The following PKM variants were observed in gnomAD, a reference collection of about 807,000 sequenced individuals.
The protein encoded by PKM is pyruvate kinase M1/2.
A neutral mutation model predicts 49.8 loss-of-function variants in PKM; 18 were observed. That is an observed-to-expected ratio of 0.36 (90% CI 0.25 to 0.54). PKM has a LOEUF of 0.54. Among genes scored for constraint, PKM ranks in the 20% least tolerant of loss-of-function variants. The pLI is 0.89. For missense variants in PKM, 508 were observed against 713.8 expected (o/e 0.71, Z 3.28); for synonymous variants, 239 against 261.8 (o/e 0.91, Z 0.84).
In PKM at chr15:72,202,711, CGGACAGCT is replaced by C. The variant is rs1275243484; in HGVS notation, c.1141-99_1141-92del. ...AAAGGAGAGGGAGGGGAAGAGTCACCGGACAGCTGGTGAGGAACATGTTCCTGGGAACA... is the reference window on the plus strand; with the variant it reads ...AAAGGAGAGGGAGGGGAAGAGTCACCGGTGAGGAACATGTTCCTGGGAACA... On this transcript the variant is annotated intron_variant, in intron 8 of 10. Transcript: ENST00000335181. This position sits in a 1 kb window ranked among gnomAD's most constrained non-coding sequence, Gnocchi z 4.5. The C allele has an allele frequency of 8.8e-7, 1 of 1,141,184 alleles. No homozygotes were observed. Among genetic ancestry groups the C allele is most frequent in the Non-Finnish European group, 1.3e-6 (1 of 777,678 alleles). The allele number at this position is 1,141,184 out of a possible 1,614,324, so 70.7% of individuals were successfully genotyped here. A position where few individuals can be genotyped will look rare whatever the true frequency, so the allele number is the denominator to read the frequency against.
At chr15:72,201,878 G>A (rs2081954188) in intron 9 of PKM, 1 of 170,898 alleles carries the variant, frequency 5.9e-6, no homozygotes. Flanking sequence ...AATGTCCTGG[G>A]CCAAGGAAGG....
intron 2 of PKM, among the ~76,000 whole-genome samples, chr15:72,218,320 T>G (rs1336774407): frequency 6.6e-6 from 1 of 152,064 alleles, no homozygotes; most frequent in African/African-American, 2.4e-5. Context: ...AGAGATGGGA[T>G]TTCACCATGT....
In PKM at chr15:72,203,310, G is replaced by A. The variant is rs1462054961; in HGVS notation, c.1141-690C>T. ...AGAGGAAGGTAACCTTAGGTTAATT[G>A]GCTAAATCTGTCCTTCAGGCAGATG... is the stretch of plus-strand genomic sequence containing the variant. On this transcript the variant is annotated intron_variant, in intron 8 of 10. Transcript: ENST00000335181. The A allele has an allele frequency of 8.0e-6, 7 of 872,266 alleles. No individual in the cohort carries two copies. The East Asian group carries it at 1.7e-4, about 21-fold the overall frequency. The allele number at this position is 872,266 out of a possible 1,614,324, so 54.0% of individuals were successfully genotyped here.
chr15:72,208,841 T>G lies in PKM; in HGVS notation c.616A>C (p.Lys206Gln), dbSNP rs2082156670. The G allele has an allele frequency of 6.2e-7, 1 of 1,614,020 alleles. No homozygotes were observed. Among genetic ancestry groups the G allele is most frequent in the Non-Finnish European group, 8.5e-7 (1 of 1,180,030 alleles). The change falls in exon 6 of 11, where the codon AAG becomes CAG. Residue 206 changes from lysine (K) to glutamine (Q), a missense_variant. Physicochemically the swap from Lys to Gln is moderately conservative, Grantham distance 53. Coordinates refer to ENST00000335181, the MANE Select transcript of PKM (RefSeq NM_002654.6). The part of the protein sequence containing the change: ...EVENGGSLGS[K>Q]KGVNLPGAAV... The stretch of plus-strand genomic sequence containing the variant: ...GCCCCAGGAAGGTTCACACCCTTCT[T>G]GCTGCCCAAGGAGCCACCATTTTCC...
rs996835095 is a variant in PKM, at chr15:72,199,167, T to C, written c.*483A>G. ...CAGCTGAGTGGAGGGTGGGGACAGG[T>C]GCAAACTGGAGAGGCCTAGAGAGCT... On this transcript the variant is annotated 3_prime_UTR_variant, in exon 11 of 11. Transcript: ENST00000335181. 3.0e-6 allele frequency: 1 copy of C among 336,746 alleles called. No homozygotes were observed. The highest frequency in any genetic ancestry group is 5.8e-6 in the Non-Finnish European group (1 of 171,488). The allele number at this position is 336,746 out of a possible 1,614,324, so 20.9% of individuals were successfully genotyped here.
At position 72,200,806 on chromosome 15, in the gene PKM, G is replaced by A. The variant is rs532232648; in HGVS notation, c.1308-151C>T. On this transcript the variant is annotated intron_variant, in intron 9 of 10. Transcript: ENST00000335181. This position sits in a 1 kb window ranked among gnomAD's most constrained non-coding sequence, Gnocchi z 4.6. ...CTCCCTAGGACCCCTCCCGAGGCTC[G>A]GGCAGCCCCTCATCCTATATCCCCC... The A allele has an allele frequency of 7.6e-4, 488 of 644,452 alleles. 3 individuals carry two copies. Among genetic ancestry groups the A allele is most frequent in the South Asian group, 7.0e-3 (356 of 50,806 alleles). 39.9% of individuals were successfully genotyped at this position (644,452 alleles called of 1,614,324 possible). A position where few individuals can be genotyped will look rare whatever the true frequency, so the allele number is the denominator to read the frequency against.
In PKM at chr15:72,199,595, G is replaced by T; in HGVS notation, c.*55C>A. On this transcript the variant is annotated 3_prime_UTR_variant, in exon 11 of 11. Coordinates refer to ENST00000335181, the MANE Select transcript of PKM (RefSeq NM_002654.6). ...TTCTACAAGCGTTGCTGGCCTAATG[G>T]ATGGGCTGGGGGAAGGGGGTGGGAC... The T allele has an allele frequency of 2.4e-6, 3 of 1,262,272 alleles. No homozygotes were observed. Among genetic ancestry groups the T allele is most frequent in the Non-Finnish European group, 3.5e-6 (3 of 864,354 alleles). The allele number at this position is 1,262,272 out of a possible 1,614,324, so 78.2% of individuals were successfully genotyped here.
rs761698717 is a variant in PKM, at chr15:72,199,669, C to T, written c.1577G>A (p.Arg526His). 26 of 1,613,370 alleles carry T rather than the reference C, an allele frequency of 1.6e-5. No homozygotes were observed. The East Asian group carries it at 4.2e-4, about 26-fold the overall frequency. The change falls in exon 11 of 11, where the codon CGT becomes CAT. Residue 526 changes from arginine to histidine, a missense_variant. Transcript: ENST00000335181. The stretch of plus-strand genomic sequence containing the variant: ...GGTCCATCACGGCACAGGAACAACA[C>T]GCATGGTGTTGGTGAAGCCGGAGCC... Reference protein sequence around the residue: ...RPGSGFTNTMRVVPVP With the variant: ...RPGSGFTNTMHVVPVP
At position 72,200,672 on chromosome 15, in the gene PKM, G is replaced by T; in HGVS notation, c.1308-17C>A. On this transcript the variant is annotated splice_polypyrimidine_tract_variant and intron_variant, in intron 9 of 10. Coordinates refer to ENST00000335181, the MANE Select transcript of PKM (RefSeq NM_002654.6). This position sits in a 1 kb window ranked among gnomAD's most constrained non-coding sequence, Gnocchi z 4.6. ...TGAGCAGACCTGAGATGGGATGGGG[G>T]ACATACAGAAGAGACCATTACACGA... 6.2e-7 allele frequency: 1 copy of T among 1,607,806 alleles called. No homozygotes were observed.
At chr15:72,231,422 C>T (rs918230378), upstream of PKM, 10 of 152,674 alleles carry the variant, frequency 6.5e-5, no homozygotes, top group African/African-American at 1.9e-4. Flanking sequence ...TTCAGAGTCA[C>T]ATTTTAAGAA....
intron 1 of PKM, 59 bp from the exon 2 acceptor site, chr15:72,219,169 T>TA: frequency 6.7e-7 from 1 of 1,488,508 alleles, no homozygotes; most frequent in South Asian, 1.2e-5. Flanking sequence ...ATATACCATT[T>TA]AGCACAGAAG....
At chr15:72,227,530 A>T (rs1157792298) in intron 1 of PKM, among the ~76,000 whole-genome samples, 2 of 152,082 alleles carry the variant, frequency 1.3e-5, no homozygotes, top group Non-Finnish European at 2.9e-5. Flanking sequence ...GGATCACCTA[A>T]GTCAGGAGTT....
chr15:72,200,624 G>T lies in PKM; in HGVS notation c.1339C>A (p.Arg447Ser). ...CGGGTCACAGCAATGATGGGGGCAC[G>T]TGGGCGGTATCTGGCCACCTGGTGA... ...SAHQVARYRP[R>S]APIIAVTRNP... Residue 447 changes from arginine to serine, a missense_variant, in exon 10 of 11, where the codon CGT (arginine) becomes AGT (serine). Physicochemically the swap from Arg to Ser is moderately radical, Grantham distance 110 (BLOSUM62 -1). Coordinates refer to ENST00000335181, the MANE Select transcript of PKM (RefSeq NM_002654.6). This position sits in a 1 kb window ranked among gnomAD's most constrained non-coding sequence, Gnocchi z 4.6. The T allele has an allele frequency of 1.2e-6, 2 of 1,613,356 alleles. No individual in the cohort carries two copies. The highest frequency in any genetic ancestry group is 1.1e-5 in the South Asian group (1 of 91,076).
intron 1 of PKM, 151 bp downstream of exon 1, chr15:72,230,965 C>T (rs780074601): frequency 4.7e-6 from 6 of 1,286,458 alleles, no homozygotes; most frequent in South Asian, 3.7e-5. Context: ...GAGCCGTTCT[C>T]CTCTCTCTGA....
chr15:72,204,611 T>C (rs563032103), intron 8 of PKM: 12 of 152,236 alleles, frequency 7.9e-5, no homozygotes, highest in Non-Finnish European at 1.3e-4. Flanking sequence ...ATGGAGGTAA[T>C]GGGAGTTAGG....
chr15:72,210,413 G>A lies in PKM; in HGVS notation c.312C>T (p.Leu104=), dbSNP rs779591275. 6.2e-7 allele frequency: 1 copy of A among 1,614,110 alleles called. No homozygotes were observed. The highest frequency in any genetic ancestry group is 1.3e-5 in the African/African-American group (1 of 74,938). The change falls in exon 4 of 11, where the codon CTC becomes CTT. Residue 104 remains leucine, a synonymous_variant. Coordinates refer to ENST00000335181, the MANE Select transcript of PKM (RefSeq NM_002654.6). The part of the protein sequence containing the change: ...ATESFASDPI[L]YRPVAVALDT... The stretch of plus-strand genomic sequence containing the variant: ...CTAGAGCCACAGCAACGGGCCGGTA[G>A]AGGATGGGGTCAGAAGCAAAGCTTT...
chr15:72,224,406 G>T (rs73438405), intron 1 of PKM, among the ~76,000 whole-genome samples: 4 of 152,070 alleles, frequency 2.6e-5, no homozygotes. Context: ...CATTCTAGTC[G>T]GGGGGATAAA....
At chr15:72,203,210 G>A (rs766065001) in intron 8 of PKM, 6 of 1,611,340 alleles carry the variant, frequency 3.7e-6, no homozygotes, top group South Asian at 1.1e-5. Context: ...AGGGGAAGAG[G>A]GGGCAAGGAA....
chr15:72,210,298 G>T (rs756479747), intron 4 of PKM, 49 bp downstream of exon 4: 1 of 1,599,816 alleles, frequency 6.3e-7, no homozygotes, highest in East Asian at 2.2e-5. Context: ...CATGTCTCTG[G>T]GGCATATTGC....
Sources: allele counts gnomAD v4.1 joint callset (sites outside exome capture counted in the v4.1 genomes callset), GRCh38; gene constraint gnomAD v4.1.1; non-coding constraint Gnocchi (gnomAD v3.1); transcripts MANE v1.5; gene names NCBI Gene and HGNC (gene_info 2026-07-23, HGNC 2026-07-21).